The following RGS7 variants were observed in gnomAD, a reference collection of about 807,000 sequenced individuals.
RGS7 encodes the protein regulator of G protein signaling 7.
Under a neutral mutation model 81.1 loss-of-function variants are expected in RGS7, and 27 were observed. The ratio of observed to expected loss-of-function variants is 0.33; its 90% CI spans 0.25 to 0.46. The LOEUF is 0.46. RGS7 is among the 20% of genes least tolerant of loss of function. RGS7 has a pLI of 1.00. For missense variants in RGS7, 396 were observed against 607.4 expected, an observed-to-expected ratio of 0.65 and a Z score of 3.66; for synonymous variants, 208 against 207.7, an observed-to-expected ratio of 1.00 and a Z score of -0.01.
chr1:241,206,230 CTT>C (rs35296035), intron 2 of RGS7, among the ~76,000 whole-genome samples: 11 of 135,960 alleles, frequency 8.1e-5, no homozygotes, highest in African/African-American at 8.3e-5. Context: ...AAAGAATGAA[CTT>C]TTTTTTTTTT....
At chr1:240,924,519 C>T (rs1674107391) in intron 6 of RGS7, among the ~76,000 whole-genome samples, 1 of 152,164 alleles carries the variant, frequency 6.6e-6, no homozygotes, top group Non-Finnish European at 1.5e-5. Context: ...ATTTTTCCTT[C>T]TGCAACTGTC....
At chr1:241,174,146 C>T (rs2070936743) in intron 2 of RGS7, among the ~76,000 whole-genome samples, 1 of 152,194 alleles carries the variant, frequency 6.6e-6, no homozygotes, top group African/African-American at 2.4e-5. Context: ...ATATGAGCAA[C>T]AGCTCTTTTT....
chr1:241,019,936 T>C (rs896208548), intron 3 of RGS7, among the ~76,000 whole-genome samples: 3 of 152,218 alleles, frequency 2.0e-5, no homozygotes, highest in Non-Finnish European at 4.4e-5. Flanking sequence ...AGATTTTTCT[T>C]GCTGTAACAA....
At chr1:240,793,313 T>C (rs971553070) in intron 18 of RGS7, among the ~76,000 whole-genome samples, 1 of 152,108 alleles carries the variant, frequency 6.6e-6, no homozygotes, top group African/African-American at 2.4e-5. Flanking sequence ...GTCTGATACA[T>C]TGCACACCAA....
intron 18 of RGS7, among the ~76,000 whole-genome samples, chr1:240,791,021 A>G (rs1572096065): frequency 1.3e-5 from 2 of 152,330 alleles, no homozygotes; most frequent in South Asian, 2.1e-4. Context: ...GCCCATGTCT[A>G]TTGGGTAATT....
intron 2 of RGS7, among the ~76,000 whole-genome samples, chr1:241,109,134 C>G (rs1572725896): frequency 6.6e-6 from 1 of 152,124 alleles, no homozygotes; most frequent in Non-Finnish European, 1.5e-5. Flanking sequence ...AATGACCACC[C>G]AAATTTATCC....
rs566422828 is a variant in RGS7 at position 240,869,957 on chromosome 1, T to C, written c.450+98A>G. The stretch of plus-strand genomic sequence containing the variant: ...CTCCATCTCAAAAAAAAGAAAAAGA[T>C]CCATGAATGAAGAGTTAACATCCTG... On this transcript the variant is annotated intron_variant, in intron 7 of 18. Transcript: ENST00000440928. 3.9e-6 allele frequency: 4 copies of C among 1,014,700 alleles called. No homozygotes were observed. In the East Asian group the frequency reaches 9.5e-5, roughly 24 times the overall value. The allele number at this position is 1,014,700 out of a possible 1,614,324, so 62.9% of individuals were successfully genotyped here.
intron 9 of RGS7, among the ~76,000 whole-genome samples, chr1:240,845,380 CAATT>C (rs1305490636): frequency 4.6e-5 from 7 of 152,080 alleles, no homozygotes; most frequent in South Asian, 2.1e-4. Flanking sequence ...ATAAAAAACT[CAATT>C]AATCATTTCA....
chr1:240,879,272 T>C (rs1665988922), intron 6 of RGS7, among the ~76,000 whole-genome samples: 1 of 152,244 alleles, frequency 6.6e-6, no homozygotes, highest in South Asian at 2.1e-4. Flanking sequence ...AATTTAATAC[T>C]TTTTACCTTG....
At chr1:241,091,909 A>G (rs2063911727) in intron 3 of RGS7, among the ~76,000 whole-genome samples, 1 of 152,086 alleles carries the variant, frequency 6.6e-6, no homozygotes, top group African/African-American at 2.4e-5. Context: ...CAAAAAACCA[A>G]CTTTATTATT....
intron 2 of RGS7, among the ~76,000 whole-genome samples, chr1:241,272,151 G>T (rs1210140205): frequency 6.6e-6 from 1 of 151,768 alleles, no homozygotes; most frequent in Admixed American, 6.6e-5. Flanking sequence ...CCGCCACCAC[G>T]CCTGGCTAAT....
chr1:241,324,183 G>T (rs2081362840), intron 2 of RGS7, among the ~76,000 whole-genome samples: 1 of 152,122 alleles, frequency 6.6e-6, no homozygotes, highest in African/African-American at 2.4e-5. Flanking sequence ...GCTCAATAGA[G>T]AAATAAATTA....
chr1:240,825,034 T>G (rs1048428731), intron 10 of RGS7, among the ~76,000 whole-genome samples: 2 of 152,206 alleles, frequency 1.3e-5, no homozygotes, highest in East Asian at 1.9e-4. Flanking sequence ...AAATTCCTAC[T>G]GTTTAAACCA....
chr1:241,227,756 A>G (rs2075403175), intron 2 of RGS7, among the ~76,000 whole-genome samples: 1 of 103,278 alleles, frequency 9.7e-6, no homozygotes, highest in South Asian at 3.8e-4. Context: ...TCACCTCCAG[A>G]AAAAAAGAAA....
intron 2 of RGS7, among the ~76,000 whole-genome samples, chr1:241,131,535 C>G (rs150326680): frequency 0.013 from 1,994 of 152,186 alleles, 15 homozygotes; most frequent in Non-Finnish European, 0.02. Context: ...TTGTAGAAGA[C>G]TGGTAAAAAT....
At chr1:240,970,686 G>A (rs7554303) in intron 4 of RGS7, among the ~76,000 whole-genome samples, 62,042 of 151,694 alleles carry the variant, frequency 0.41, 13,159 homozygotes, top group East Asian at 0.67. Flanking sequence ...TCTTGGTGTT[G>A]TTAAATGTGT....
intron 6 of RGS7, among the ~76,000 whole-genome samples, chr1:240,926,739 T>C (rs1423708161): frequency 6.6e-6 from 1 of 152,200 alleles, no homozygotes; most frequent in East Asian, 1.9e-4. Flanking sequence ...GGAAAGCCCA[T>C]TTCTGACTCC....
intron 2 of RGS7, among the ~76,000 whole-genome samples, chr1:241,256,672 G>T (rs948259737): frequency 6.6e-6 from 1 of 152,074 alleles, no homozygotes; most frequent in African/African-American, 2.4e-5. Context: ...CTGCATTCTC[G>T]CTGTGTCTTC....
intron 18 of RGS7, among the ~76,000 whole-genome samples, chr1:240,789,664 A>G (rs887396960): frequency 6.6e-6 from 1 of 152,112 alleles, no homozygotes; most frequent in African/African-American, 2.4e-5. Context: ...AGGATGAGGA[A>G]ATTACTGCCT....
Sources: gnomAD v4.1 joint callset for allele counts (sites outside exome capture counted in the v4.1 genomes callset) on GRCh38, gnomAD v4.1.1 for gene constraint, MANE v1.5 for transcripts, NCBI Gene and HGNC (gene_info 2026-07-23, HGNC 2026-07-21) for gene names.